IQSEC1: variants seen among roughly 807,000 people sequenced by gnomAD.
IQSEC1 encodes the protein IQ motif and Sec7 domain ArfGEF 1.
Under a neutral mutation model 91.0 loss-of-function variants are expected in IQSEC1, and 31 were observed. The observed-to-expected ratio is 0.34, with a 90% CI of 0.26 to 0.46. IQSEC1 has a LOEUF of 0.46. IQSEC1 is among the 20% of genes least tolerant of loss of function. The pLI, the probability that IQSEC1 is intolerant of heterozygous loss-of-function variation, is 1.00. For synonymous variants in IQSEC1, 699 were observed against 662.6 expected, an observed-to-expected ratio of 1.05 and a Z score of -0.84; for missense variants, 1,388 against 1,575.6, an observed-to-expected ratio of 0.88 and a Z score of 2.02.
At chr3:13,270,668 G>A (rs759967730) in intron 1 of IQSEC1, among the ~76,000 whole-genome samples, 38 of 152,110 alleles carry the variant, frequency 2.5e-4, no homozygotes, top group Non-Finnish European at 2.8e-4. Flanking sequence ...TAAACAAGGG[G>A]ATTAAAATAT....
chr3:13,243,418 T>C (rs1387994504), intron 1 of IQSEC1, among the ~76,000 whole-genome samples: 1 of 152,154 alleles, frequency 6.6e-6, no homozygotes, highest in Non-Finnish European at 1.5e-5. Context: ...AAGCTGCCTT[T>C]GCCAGAGCCA....
chr3:13,007,290 C>G (rs1290494833), intron 1 of IQSEC1, among the ~76,000 whole-genome samples: 4 of 152,226 alleles, frequency 2.6e-5, no homozygotes, highest in African/African-American at 9.7e-5. Flanking sequence ...TATGCGGGAT[C>G]CAGACAGAGC....
chr3:13,162,437 C>A (rs563822236), intron 2 of IQSEC1, among the ~76,000 whole-genome samples: 1 of 152,308 alleles, frequency 6.6e-6, no homozygotes, highest in South Asian at 2.1e-4. Context: ...GCAACCCACC[C>A]TCTCCCTAAC....
chr3:13,281,233 C>G (rs575376268), intron 1 of IQSEC1, among the ~76,000 whole-genome samples: 1 of 152,154 alleles, frequency 6.6e-6, no homozygotes, highest in East Asian at 1.9e-4. Context: ...AGAAAGGGCC[C>G]GGGCCCCTGT....
At chr3:13,167,139 T>C (rs1023405462) in intron 1 of IQSEC1, among the ~76,000 whole-genome samples, 10 of 152,176 alleles carry the variant, frequency 6.6e-5, no homozygotes, top group African/African-American at 2.4e-4. Context: ...AAGAAGCAGA[T>C]GGTCAGGAGC....
intron 1 of IQSEC1, among the ~76,000 whole-genome samples, chr3:12,985,771 G>A (rs1306217009): frequency 6.6e-6 from 1 of 152,182 alleles, no homozygotes; most frequent in African/African-American, 2.4e-5. Flanking sequence ...TACTTTCCAT[G>A]TTTCTAGGGG....
Position 12,958,767 on chromosome 3 carries a change from G to C in IQSEC1, c.24-16902C>G, listed in dbSNP as rs79027456. ...CTTCTAAGCCAACTAAGCTGGGTTG[G>C]GGGCACTCTATGTACCAAGCACTGT... On this transcript the variant is annotated intron_variant, in intron 1 of 13. Transcript: ENST00000613206. 2.5e-3 allele frequency among the ~76,000 whole-genome samples: 382 copies of C among 152,306 alleles called. 3 individuals carry two copies. Among genetic ancestry groups the C allele is most frequent in the African/African-American group, 8.9e-3 (371 of 41,560 alleles).
intron 1 of IQSEC1, among the ~76,000 whole-genome samples, chr3:13,238,035 G>T (rs760309607): frequency 6.6e-6 from 1 of 152,210 alleles, no homozygotes; most frequent in African/African-American, 2.4e-5. Context: ...GGCACTGACC[G>T]CTGAGCATCC....
chr3:13,243,544 C>T (rs1013195003), intron 1 of IQSEC1, among the ~76,000 whole-genome samples: 1 of 152,202 alleles, frequency 6.6e-6, no homozygotes, highest in Non-Finnish European at 1.5e-5. Context: ...TGGCGCCCAC[C>T]CCATCTCTGT....
chr3:13,059,383 C>T (rs1212435376), intron 1 of IQSEC1, among the ~76,000 whole-genome samples: 1 of 152,192 alleles, frequency 6.6e-6, no homozygotes, highest in South Asian at 2.1e-4. Flanking sequence ...GCAGCTGCCT[C>T]GGCCTCCCCA....
chr3:13,129,723 T>C (rs1264802769), intron 2 of IQSEC1, among the ~76,000 whole-genome samples: 1 of 142,622 alleles, frequency 7.0e-6, no homozygotes, highest in Non-Finnish European at 1.5e-5. Flanking sequence ...AGTGACGCCA[T>C]CTCAGCTCAT....
rs937937350 is a variant in IQSEC1 at position 12,899,488 on chromosome 3, T to C, written c.*1495A>G. The C allele has an allele frequency of 6.9e-6, 11 of 1,589,020 alleles. No homozygotes were observed. Among genetic ancestry groups the C allele is most frequent in the Non-Finnish European group, 8.6e-6 (10 of 1,167,706 alleles). ...GGCACAGACCTGCCGCGTGCAGGTCTGGCCCTGGGGAGCGCATGGTGTCAC... is the reference window on the plus strand; with the variant it reads ...GGCACAGACCTGCCGCGTGCAGGTCCGGCCCTGGGGAGCGCATGGTGTCAC... On this transcript the variant is annotated 3_prime_UTR_variant, in exon 14 of 14. Coordinates refer to ENST00000613206, the MANE Select transcript of IQSEC1 (RefSeq NM_001134382.3).
intron 1 of IQSEC1, 61 bp downstream of exon 1, chr3:13,072,931 C>T (rs933668127): frequency 2.7e-6 from 4 of 1,459,892 alleles, no homozygotes; most frequent in African/African-American, 2.8e-5. Flanking sequence ...ACTCCAGCTC[C>T]CAGCTCAGCC....
chr3:12,996,861 T>G (rs1031000245), intron 1 of IQSEC1, among the ~76,000 whole-genome samples: 1 of 152,256 alleles, frequency 6.6e-6, no homozygotes, highest in Admixed American at 6.5e-5. Flanking sequence ...TTTTTTAATC[T>G]ACCAAGTTGG....
At chr3:13,022,586 G>C (rs1703451304) in intron 1 of IQSEC1, 1 of 399,372 alleles carries the variant, frequency 2.5e-6, no homozygotes, top group Admixed American at 6.4e-5. Context: ...GGCGAGCTCA[G>C]AGAGAGGGAG....
intron 1 of IQSEC1, among the ~76,000 whole-genome samples, chr3:13,198,289 T>C (rs1342508433): frequency 6.6e-6 from 1 of 152,110 alleles, no homozygotes; most frequent in Non-Finnish European, 1.5e-5. Flanking sequence ...CCCAAAAGCA[T>C]AAGCCTTGCA....
chr3:13,249,009 C>T (rs1695151126), intron 1 of IQSEC1, among the ~76,000 whole-genome samples: 1 of 152,100 alleles, frequency 6.6e-6, no homozygotes, highest in African/African-American at 2.4e-5. Context: ...CTTCAATTCC[C>T]CTCTTATGAG....
rs200988600 is a variant in IQSEC1, at chr3:12,915,573, G to C, written c.2160+21C>G. The C allele has an allele frequency of 5.5e-5, 88 of 1,610,894 alleles. No homozygotes were observed. The highest frequency in any genetic ancestry group is 7.4e-5 in the Non-Finnish European group (87 of 1,177,656). ...CCCGGGTGGTGCTGGGGCCCACCAC[G>C]TACCAGGGCCCATCACATACCGGCT... On this transcript the variant is annotated intron_variant, in intron 7 of 13. Coordinates refer to ENST00000613206, the MANE Select transcript of IQSEC1 (RefSeq NM_001134382.3).
chr3:13,281,826 C>T (rs1695794830), intron 1 of IQSEC1, among the ~76,000 whole-genome samples: 1 of 152,228 alleles, frequency 6.6e-6, no homozygotes, highest in East Asian at 1.9e-4. Context: ...TAGTGGGCCC[C>T]GGGTGATCCC....
Sources: allele counts gnomAD v4.1 joint callset (sites outside exome capture counted in the v4.1 genomes callset), GRCh38; gene constraint gnomAD v4.1.1; transcripts MANE v1.5; gene names NCBI Gene and HGNC (gene_info 2026-07-23, HGNC 2026-07-21).